Variants in CFAP74 observed in about 807,000 individuals in gnomAD.
CFAP74 encodes cilia- and flagella-associated protein 74.
In CFAP74, 124 loss-of-function variants were observed where a neutral mutation model predicts 188.9. That is an observed-to-expected ratio of 0.66 (90% confidence interval 0.57 to 0.76). The LOEUF (loss-of-function observed/expected upper bound fraction) is 0.76, where lower values mean the gene tolerates loss of function less well. Ranked by LOEUF, CFAP74 falls within the 30% of genes least tolerant of loss-of-function variation. The probability of loss-of-function intolerance (pLI) is 0.00; values close to 1 mark genes in which losing one functional copy is unlikely to be tolerated. For missense variants in CFAP74, 2,198 were observed against 2,165.2 expected (o/e 1.02, Z -0.30); for synonymous variants, 956 against 916.7 (o/e 1.04, Z -0.77).
chr1:1,948,121 T>A (rs28498068), intron 18 of CFAP74, among the ~76,000 whole-genome samples: 4 of 152,084 alleles, frequency 2.6e-5, no homozygotes, highest in African/African-American at 7.2e-5. Flanking sequence ...TCTGCCCACC[T>A]TGGCCTCCCA....
At chr1:1,984,211 C>G (rs1238819437) in intron 6 of CFAP74, 1 of 151,688 alleles carries the variant, frequency 6.6e-6, no homozygotes, top group Non-Finnish European at 1.5e-5. Context: ...CTGGGCTGGT[C>G]TTGAACTCCT....
At chr1:1,927,496 C>T (rs899100928) in intron 28 of CFAP74, 111 bp downstream of exon 28, 34 of 1,068,712 alleles carry the variant, frequency 3.2e-5, no homozygotes, top group Admixed American at 1.1e-4. Flanking sequence ...TCCTTCCAGC[C>T]ACATGGGTCA....
chr1:1,940,538 T>C, intron 22 of CFAP74, 135 bp from the exon 23 acceptor site: 1 of 649,876 alleles, frequency 1.5e-6, no homozygotes. Context: ...GGGAGACGCA[T>C]CGCGCCGCCC....
chr1:1,982,941 C>T (rs571640161), intron 6 of CFAP74, among the ~76,000 whole-genome samples: 4 of 152,338 alleles, frequency 2.6e-5, no homozygotes, highest in African/African-American at 9.6e-5. Context: ...TGGGTCCAGG[C>T]AAGGGCAGGG....
chr1:1,940,004 GTC>G (rs1653253194), intron 23 of CFAP74, among the ~76,000 whole-genome samples: 1 of 152,236 alleles, frequency 6.6e-6, no homozygotes, highest in African/African-American at 2.4e-5. Flanking sequence ...GGGTGCATGT[GTC>G]TCTGTGTGCG....
chr1:1,959,351 AC>A, intron 15 of CFAP74, 142 bp from the exon 16 acceptor site: 1 of 442,280 alleles, frequency 2.3e-6, no homozygotes, highest in Non-Finnish European at 3.9e-6. Context: ...CCCTCCACCC[AC>A]CCCCACCTGG....
chr1:1,938,741 G>A lies in CFAP74; in HGVS notation c.3011+114C>T. ...CGGCAGTGCTGCCCAGCCCAGCCCT[G>A]TGGTCAGCCAGGCAGATGGGGTCAG... is the stretch of plus-strand genomic sequence containing the variant. On this transcript the variant is annotated intron_variant, in intron 25 of 38. Coordinates refer to ENST00000682832, the MANE Select transcript of CFAP74 (RefSeq NM_001304360.2). The A allele has an allele frequency of 2.4e-6, 3 of 1,268,418 alleles. No homozygotes were observed. The South Asian group carries it at 4.4e-5, about 19-fold the overall frequency. The allele number at this position is 1,268,418 out of a possible 1,614,324, so 78.6% of individuals were successfully genotyped here.
intron 25 of CFAP74, among the ~76,000 whole-genome samples, chr1:1,933,804 T>A (rs1303796082): frequency 1.3e-5 from 2 of 152,250 alleles, no homozygotes; most frequent in African/African-American, 4.8e-5. Flanking sequence ...CTTTTTTATG[T>A]CTTTCTTCTA....
At chr1:1,970,861 G>A (rs756109113) in intron 9 of CFAP74, 45 bp from the exon 10 acceptor site, 6 of 1,607,066 alleles carry the variant, frequency 3.7e-6, no homozygotes, top group East Asian at 2.2e-5. Flanking sequence ...GCACCCACGG[G>A]CACATGCACA....
In CFAP74 at chr1:1,923,768, G is replaced by A; in HGVS notation, c.4389+7C>T. 1 of 1,613,280 alleles carries A rather than the reference G, an allele frequency of 6.2e-7. No individual in the cohort carries two copies. The highest frequency in any genetic ancestry group is 8.5e-7 in the Non-Finnish European group (1 of 1,179,862). On this transcript the variant is annotated splice_region_variant and intron_variant, in intron 35 of 38. Coordinates refer to ENST00000682832, the MANE Select transcript of CFAP74 (RefSeq NM_001304360.2). This position sits in a 1 kb window ranked among gnomAD's most constrained non-coding sequence, Gnocchi z 6.3. The stretch of plus-strand genomic sequence containing the variant: ...GCCGGGCTGAGCTTGCAGAGCCAGA[G>A]CCGCACCTTTTCAAAGAGCACCACC...
rs1652653965 is a variant in CFAP74 at position 1,934,315 on chromosome 1, C to CAGGTGTATAT, written c.3012-3980_3012-3979insATATACACCT. Among the ~76,000 whole-genome samples the CAGGTGTATAT allele has an allele frequency of 6.3e-5, 9 of 143,810 alleles. 1 individual carries two copies. Among genetic ancestry groups the CAGGTGTATAT allele is most frequent in the Admixed American group, 1.4e-4 (2 of 14,592 alleles). 94.3% of individuals were successfully genotyped at this position (143,810 alleles called of 152,430 possible). ...TAGGTTGTAGGTACACAGGTGTACA[C>CAGGTGTATAT]GTGGGTGTTAGGTTGTAGGTACACA... On this transcript the variant is annotated intron_variant, in intron 25 of 38. Transcript: ENST00000682832.
chr1:1,997,128 A>C lies in CFAP74; in HGVS notation c.-19-6153T>G, dbSNP rs1489299400. ...CCCAGCCAGAACAATCAGATGTAAA[A>C]GAAATAAAAGGCGGCCGGGCGCGGT... On this transcript the variant is annotated intron_variant, in intron 1 of 38. Transcript: ENST00000682832. Among the ~76,000 whole-genome samples the C allele has an allele frequency of 7.2e-5, 11 of 152,044 alleles. No individual in the cohort carries two copies. In the East Asian group the frequency reaches 1.7e-3, roughly 24 times the overall value.
chr1:1,994,346 CTG>C (rs1657800948), intron 1 of CFAP74, among the ~76,000 whole-genome samples: 1 of 152,128 alleles, frequency 6.6e-6, no homozygotes, highest in Admixed American at 6.5e-5. Flanking sequence ...TTGTAGAGGA[CTG>C]TGTTTCATTG....
intron 18 of CFAP74, chr1:1,954,098 A>G (rs999048230): frequency 2.6e-5 from 4 of 152,342 alleles, no homozygotes; most frequent in African/African-American, 9.6e-5. Flanking sequence ...CCAGGGAAAG[A>G]CACGCAATCT....
At chr1:1,959,293 G>C (rs1654895309) in intron 15 of CFAP74, 84 bp from the exon 16 acceptor site, 4 of 949,132 alleles carry the variant, frequency 4.2e-6, no homozygotes, top group East Asian at 2.5e-5. Context: ...GTCTGGCTCT[G>C]TTGGCCAGGC....
At chr1:1,960,191 T>C (rs1203223963) in intron 14 of CFAP74, 161 bp from the exon 15 acceptor site, 3 of 629,024 alleles carry the variant, frequency 4.8e-6, no homozygotes, top group African/African-American at 3.9e-5. Context: ...CTGGATCTGC[T>C]GCATTCCCTG....
At chr1:1,995,079 C>A (rs60363762) in intron 1 of CFAP74, among the ~76,000 whole-genome samples, 8,074 of 152,178 alleles carry the variant, frequency 0.053, 739 homozygotes, top group African/African-American at 0.18. Flanking sequence ...AACTGAGAGA[C>A]CCAGGAAAGC....
intron 15 of CFAP74, 83 bp downstream of exon 15, chr1:1,959,881 C>A: frequency 8.1e-7 from 1 of 1,227,876 alleles, no homozygotes; most frequent in South Asian, 1.5e-5. Flanking sequence ...CTTCCCCCAT[C>A]ATGTTCTGCG....
intron 26 of CFAP74, among the ~76,000 whole-genome samples, chr1:1,929,460 T>C (rs1321522978): frequency 9.8e-6 from 1 of 101,894 alleles, no homozygotes; most frequent in Non-Finnish European, 2.1e-5. Flanking sequence ...GAGAGCTGCA[T>C]CTGCAGTAAT....
Sources: allele counts gnomAD v4.1 joint callset (sites outside exome capture counted in the v4.1 genomes callset), GRCh38; gene constraint gnomAD v4.1.1; non-coding constraint Gnocchi (gnomAD v3.1); transcripts MANE v1.5; gene names NCBI Gene and HGNC (gene_info 2026-07-23, HGNC 2026-07-21).